AQR: variants seen among roughly 807,000 people sequenced by gnomAD.
The protein encoded by AQR is RNA helicase aquarius.
A neutral mutation model predicts 180.5 loss-of-function variants in AQR; 61 were observed. That is an observed-to-expected ratio of 0.34 (90% CI 0.28 to 0.42). The LOEUF is 0.42. AQR is among the 10% of genes least tolerant of loss of function. The probability of loss-of-function intolerance (pLI) is 1.00; values close to 1 mark genes in which losing one functional copy is unlikely to be tolerated. For missense variants in AQR, 1,281 were observed against 1,798.3 expected (o/e 0.71, Z 5.20); for synonymous variants, 551 against 588.8 (o/e 0.94, Z 0.93).
intron 14 of AQR, 33 bp from the exon 15 acceptor site, chr15:34,918,411 T>A: frequency 6.3e-7 from 1 of 1,593,754 alleles, no homozygotes; most frequent in African/African-American, 1.4e-5. Flanking sequence ...ATGCAGAAGG[T>A]TAGAAGCATC....
At chr15:34,885,029 G>A (rs13380135) in intron 25 of AQR, among the ~76,000 whole-genome samples, 2 of 152,092 alleles carry the variant, frequency 1.3e-5, no homozygotes, top group South Asian at 2.1e-4. Flanking sequence ...GATTCTCCAC[G>A]TAACTCAAGA....
chr15:34,898,703 C>T (rs185548078), intron 20 of AQR, among the ~76,000 whole-genome samples: 2,775 of 142,992 alleles, frequency 0.019, 77 homozygotes, highest in African/African-American at 0.062. Context: ...GCTAACACGG[C>T]GAAACCCCAT....
chr15:34,945,119 T>C (rs960205189), intron 5 of AQR, among the ~76,000 whole-genome samples: 1 of 152,198 alleles, frequency 6.6e-6, no homozygotes, highest in African/African-American at 2.4e-5. Context: ...AGCCTCATTC[T>C]TCTCCCTCTA....
chr15:34,909,523 G>T (rs570257640), intron 17 of AQR, among the ~76,000 whole-genome samples: 2 of 152,070 alleles, frequency 1.3e-5, no homozygotes, highest in Non-Finnish European at 2.9e-5. Context: ...GACTACATTT[G>T]ACTTCACTGA....
At chr15:34,947,115 T>G (rs1354248051) in intron 5 of AQR, among the ~76,000 whole-genome samples, 1 of 152,102 alleles carries the variant, frequency 6.6e-6, no homozygotes, top group African/African-American at 2.4e-5. Context: ...GGTTGCCGTG[T>G]CTGTGTAGAA....
At chr15:34,888,322 A>AAT in intron 24 of AQR, among the ~76,000 whole-genome samples, 1 of 152,072 alleles carries the variant, frequency 6.6e-6, no homozygotes, top group South Asian at 2.1e-4. Context: ...TAAATAAATA[A>AAT]AAGCAATATA....
At chr15:34,952,955 A>G (rs933572218) in intron 3 of AQR, 35 bp from the exon 4 acceptor site, 19 of 1,234,404 alleles carry the variant, frequency 1.5e-5, no homozygotes, top group Non-Finnish European at 2.2e-5. Flanking sequence ...TGTTTAAAAT[A>G]GAGAATACAA....
intron 15 of AQR, among the ~76,000 whole-genome samples, chr15:34,917,722 C>T (rs1299821373): frequency 6.6e-6 from 1 of 151,836 alleles, no homozygotes; most frequent in Non-Finnish European, 1.5e-5. Context: ...GTGGTTCACA[C>T]CTATAATCCC....
chr15:34,956,696 G>GAAAAAAAAAAA (rs565202160), intron 3 of AQR, among the ~76,000 whole-genome samples: 39 of 83,330 alleles, frequency 4.7e-4, no homozygotes, highest in Non-Finnish European at 6.1e-4. Flanking sequence ...TAAGAAGTCA[G>GAAAAAAAAAAA]AAAAAAAAAA....
At chr15:34,961,574 C>T (rs1045928422) in intron 2 of AQR, among the ~76,000 whole-genome samples, 1 of 137,750 alleles carries the variant, frequency 7.3e-6, no homozygotes, top group Non-Finnish European at 1.5e-5. Context: ...CGCGCCACTG[C>T]ACTCCATCCA....
chr15:34,969,130 A>C (rs1376791164), intron 1 of AQR, among the ~76,000 whole-genome samples: 1 of 152,204 alleles, frequency 6.6e-6, no homozygotes, highest in African/African-American at 2.4e-5. Context: ...GGACACTCTA[A>C]GGACCAGGAA....
intron 19 of AQR, among the ~76,000 whole-genome samples, chr15:34,903,076 A>G (rs1893356848): frequency 6.6e-6 from 1 of 152,184 alleles, no homozygotes; most frequent in Non-Finnish European, 1.5e-5. Flanking sequence ...AGGAGGTGAC[A>G]TTGAAAAACA....
At chr15:34,904,278 G>A in intron 19 of AQR, 58 bp downstream of exon 19, 1 of 1,277,820 alleles carries the variant, frequency 7.8e-7, no homozygotes, top group Non-Finnish European at 1.1e-6. Flanking sequence ...CTGTATTTAT[G>A]TCATAAAAGT....
intron 16 of AQR, among the ~76,000 whole-genome samples, chr15:34,914,153 T>C (rs1893543350): frequency 6.6e-6 from 1 of 152,170 alleles, no homozygotes. Flanking sequence ...GGTGTCCTAT[T>C]ATATAATGTA....
intron 13 of AQR, among the ~76,000 whole-genome samples, chr15:34,922,817 A>T (rs553873409): frequency 8.9e-6 from 1 of 112,664 alleles, no homozygotes; most frequent in African/African-American, 2.8e-5. Context: ...CTTATCCATT[A>T]AAAAAAAAAC....
At chr15:34,944,843 ATTAGCTCTT>A (rs1894085653) in intron 5 of AQR, among the ~76,000 whole-genome samples, 1 of 152,192 alleles carries the variant, frequency 6.6e-6, no homozygotes, top group Non-Finnish European at 1.5e-5. Context: ...CCTGCTTTAT[ATTAGCTCTT>A]TACTCTTAAC....
chr15:34,856,768 T>C lies in AQR; in HGVS notation c.*24A>G. The C allele has an allele frequency of 2.7e-6, 4 of 1,462,656 alleles. No homozygotes were observed. Among genetic ancestry groups the C allele is most frequent in the East Asian group, 2.3e-5 (1 of 42,752 alleles). 90.6% of individuals were successfully genotyped at this position (1,462,656 alleles called of 1,614,324 possible). On this transcript the variant is annotated 3_prime_UTR_variant, in exon 35 of 35. Transcript: ENST00000156471. ...CTCAGACTTTTTGACTGCCATGTCC[T>C]CCTTTAGAAGGACTACAGTTTGGCT...
intron 27 of AQR, among the ~76,000 whole-genome samples, chr15:34,881,782 T>C (rs565237099): frequency 2.6e-5 from 4 of 152,246 alleles, no homozygotes; most frequent in African/African-American, 7.2e-5. Context: ...AGATGTCTAA[T>C]AGATGAAAAC....
chr15:34,960,309 T>TG (rs964427616), intron 3 of AQR, among the ~76,000 whole-genome samples: 14 of 152,156 alleles, frequency 9.2e-5, no homozygotes, highest in African/African-American at 3.1e-4. Flanking sequence ...AACCAGGGAT[T>TG]GGGGGCAGAA....
Sources: gnomAD v4.1 joint callset for allele counts (sites outside exome capture counted in the v4.1 genomes callset) on GRCh38, gnomAD v4.1.1 for gene constraint, MANE v1.5 for transcripts, NCBI Gene and HGNC (gene_info 2026-07-23, HGNC 2026-07-21) for gene names.